DCDC1: variants seen among roughly 807,000 people sequenced by gnomAD.
The protein encoded by DCDC1 is doublecortin domain-containing protein 1.
Under a neutral mutation model 178.3 loss-of-function variants are expected in DCDC1, and 200 were observed. The observed-to-expected ratio is 1.12, with a 90% CI of 1.00 to 1.26. DCDC1 has a LOEUF of 1.26. DCDC1 is among the 50% of genes most tolerant of loss of function. DCDC1 has a pLI of 0.00. For synonymous variants in DCDC1, 690 were observed against 604.8 expected (o/e 1.14, Z -2.07); for missense variants, 1,983 against 1,749.2 (o/e 1.13, Z -2.38).
chr11:31,081,418 G>T (rs1017931880), intron 17 of DCDC1, among the ~76,000 whole-genome samples: 1 of 152,090 alleles, frequency 6.6e-6, no homozygotes, highest in East Asian at 1.9e-4. Context: ...GATCATCCTG[G>T]CTAACATGGT....
rs140797386 is a variant in DCDC1, at chr11:30,922,605, G to A, written c.3031C>T (p.Pro1011Ser). 16 of 1,574,066 alleles carry A rather than the reference G, an allele frequency of 1.0e-5. No homozygotes were observed. Among genetic ancestry groups the A allele is most frequent in the Admixed American group, 2.0e-5 (1 of 50,430 alleles). Residue 1011 changes from proline (P) to serine (S), a missense_variant, in exon 24 of 39, where the codon CCT (proline) becomes TCT (serine). Transcript: ENST00000684477. The stretch of plus-strand genomic sequence containing the variant: ...TTTTGCTGAGCAATGGACAGGTCAG[G>A]ATTGATCCAGAGTTCTCCACATGAA... ...YVSCGELWINPDLSIAQQKKQ... is the reference protein window; with the variant it reads ...YVSCGELWINSDLSIAQQKKQ...
At chr11:31,050,750 GACAACA>G (rs1955191465) in intron 20 of DCDC1, among the ~76,000 whole-genome samples, 1 of 152,160 alleles carries the variant, frequency 6.6e-6, no homozygotes, top group African/African-American at 2.4e-5. Context: ...CCAGAAGAGA[GACAACA>G]ATAACTGCAG....
At chr11:30,871,867 C>CATATACATAT (rs1489706736) in intron 38 of DCDC1, among the ~76,000 whole-genome samples, 4 of 150,620 alleles carry the variant, frequency 2.7e-5, no homozygotes, top group East Asian at 1.9e-4. Flanking sequence ...CTTAGACACA[C>CATATACATAT]ATATACATAT....
chr11:31,234,671 C>T (rs565754775), intron 9 of DCDC1, among the ~76,000 whole-genome samples: 112 of 152,126 alleles, frequency 7.4e-4, no homozygotes, highest in African/African-American at 2.2e-3. Flanking sequence ...TATTCTTGTC[C>T]GTTCACACGA....
At chr11:31,263,271 T>G (rs1944915904) in intron 8 of DCDC1, among the ~76,000 whole-genome samples, 1 of 152,238 alleles carries the variant, frequency 6.6e-6, no homozygotes, top group Non-Finnish European at 1.5e-5. Context: ...TGTTTATTTT[T>G]ATTAATGCAA....
chr11:30,878,218 C>G (rs964281643), intron 38 of DCDC1, among the ~76,000 whole-genome samples: 2 of 151,932 alleles, frequency 1.3e-5, no homozygotes, highest in Non-Finnish European at 1.5e-5. Flanking sequence ...TTTGTGATGT[C>G]GAGGTGGGAG....
intron 1 of DCDC1, among the ~76,000 whole-genome samples, chr11:31,340,091 TC>T (rs1400349640): frequency 6.6e-6 from 1 of 152,136 alleles, no homozygotes; most frequent in Non-Finnish European, 1.5e-5. Flanking sequence ...CTAGCTCCAC[TC>T]CCAGTGGTAA....
chr11:31,268,372 C>T (rs1205590788), intron 7 of DCDC1, among the ~76,000 whole-genome samples: 1 of 152,130 alleles, frequency 6.6e-6, no homozygotes, highest in African/African-American at 2.4e-5. Flanking sequence ...ATCAGTCCCT[C>T]CTTCCCTCCC....
Position 31,290,788 on chromosome 11 carries a change from G to C in DCDC1, c.819C>G (p.Ile273Met). ...GAACAGGCTTGGTTTTCCGTCTTTT[G>C]ATATCAGTAGGAAGCATCAACCCAT... The part of the protein sequence containing the change: ...TMNGLMLPTD[I>M]KRRKTKPVLS... Residue 273 changes from isoleucine to methionine, a missense_variant, in exon 7 of 39, where the codon ATC becomes ATG. Transcript: ENST00000684477. 6.2e-7 allele frequency: 1 copy of C among 1,613,384 alleles called. No individual in the cohort carries two copies. The highest frequency in any genetic ancestry group is 8.5e-7 in the Non-Finnish European group (1 of 1,179,572).
At chr11:31,206,318 G>T (rs1591399241) in intron 9 of DCDC1, among the ~76,000 whole-genome samples, 1 of 152,182 alleles carries the variant, frequency 6.6e-6, no homozygotes, top group East Asian at 1.9e-4. Context: ...CAAAGCATCA[G>T]CTGGGAATTA....
chr11:31,289,846 G>T (rs1947096895), intron 7 of DCDC1, among the ~76,000 whole-genome samples: 1 of 151,886 alleles, frequency 6.6e-6, no homozygotes. Context: ...GGTGTCCAAG[G>T]CCTCATAGCT....
intron 5 of DCDC1, 58 bp downstream of exon 5, chr11:31,306,174 T>C: frequency 1.5e-6 from 2 of 1,363,294 alleles, no homozygotes; most frequent in Non-Finnish European, 1.9e-6. Context: ...ATTTTTTATA[T>C]TATAAAGAGA....
At chr11:31,242,166 A>G (rs567276955) in intron 8 of DCDC1, among the ~76,000 whole-genome samples, 109 of 152,090 alleles carry the variant, frequency 7.2e-4, no homozygotes, top group African/African-American at 2.6e-3. Flanking sequence ...AGGGGGCAGA[A>G]TCTTAAACAA....
chr11:30,914,335 C>A (rs1300115341), intron 27 of DCDC1, among the ~76,000 whole-genome samples: 1 of 152,244 alleles, frequency 6.6e-6, no homozygotes, highest in Non-Finnish European at 1.5e-5. Context: ...TCCTCTCCTG[C>A]CCAGGCAGGG....
At chr11:30,955,655 T>C (rs1042264409) in intron 20 of DCDC1, among the ~76,000 whole-genome samples, 5 of 152,172 alleles carry the variant, frequency 3.3e-5, no homozygotes, top group Admixed American at 1.3e-4. Flanking sequence ...CGTATTCCAA[T>C]AATTCCTCAA....
At chr11:31,059,291 T>C (rs1955785800) in intron 20 of DCDC1, among the ~76,000 whole-genome samples, 1 of 152,074 alleles carries the variant, frequency 6.6e-6, no homozygotes, top group South Asian at 2.1e-4. Flanking sequence ...ACAGAGAACA[T>C]ACAGGAATTA....
chr11:31,124,171 C>T (rs1391664005), intron 11 of DCDC1, among the ~76,000 whole-genome samples: 1 of 151,864 alleles, frequency 6.6e-6, no homozygotes, highest in Non-Finnish European at 1.5e-5. Context: ...ATAAATAGGT[C>T]TTATTATTTT....
At chr11:31,279,654 C>T (rs1946274552) in intron 7 of DCDC1, among the ~76,000 whole-genome samples, 1 of 152,148 alleles carries the variant, frequency 6.6e-6, no homozygotes, top group Non-Finnish European at 1.5e-5. Context: ...CCAAACACCA[C>T]ATGTTCTCAC....
intron 13 of DCDC1, among the ~76,000 whole-genome samples, chr11:31,106,397 T>A (rs1327781846): frequency 1.3e-5 from 2 of 152,042 alleles, no homozygotes; most frequent in Non-Finnish European, 2.9e-5. Context: ...ACCATCCATT[T>A]CTCCTTTAAA....
Sources: allele counts gnomAD v4.1 joint callset (sites outside exome capture counted in the v4.1 genomes callset), GRCh38; gene constraint gnomAD v4.1.1; transcripts MANE v1.5; gene names NCBI Gene and HGNC (gene_info 2026-07-23, HGNC 2026-07-21).